Variants in ZNF268 observed in about 807,000 individuals in gnomAD.
ZNF268 encodes zinc finger protein 268.
In ZNF268, 20 loss-of-function variants were observed where a neutral mutation model predicts 29.3. The ratio of observed to expected loss-of-function variants is 0.68; its 90% CI spans 0.48 to 0.99. The LOEUF is 0.99. ZNF268 is among the 50% of genes least tolerant of loss of function. The pLI is 0.00. For missense variants in ZNF268, 1,240 were observed against 1,121.6 expected (o/e 1.11, Z -1.51); for synonymous variants, 429 against 376.9 (o/e 1.14, Z -1.60).
chr12:133,204,636 T>G lies in ZNF268; in HGVS notation c.*106T>G. 1 of 831,316 alleles carries G rather than the reference T, an allele frequency of 1.2e-6. No individual in the cohort carries two copies. Among genetic ancestry groups the G allele is most frequent in the Non-Finnish European group, 1.7e-6 (1 of 587,348 alleles). The allele number at this position is 831,316 out of a possible 1,614,324, so 51.5% of individuals were successfully genotyped here. ...ATCTTGTCATCTTCCAGAAAACTCATACTGAATAGAAACTTTATGAATGCA... is the reference window on the plus strand; with the variant it reads ...ATCTTGTCATCTTCCAGAAAACTCAGACTGAATAGAAACTTTATGAATGCA... On this transcript the variant is annotated 3_prime_UTR_variant, in exon 6 of 6. Transcript: ENST00000536435.
In ZNF268 at chr12:133,205,037, AGAAAT is replaced by A. The variant is rs1458827856; in HGVS notation, c.*510_*514del. The A allele has an allele frequency of 2.0e-5, 3 of 151,950 alleles. No individual in the cohort carries two copies. The highest frequency in any genetic ancestry group is 1.3e-4 in the Admixed American group (2 of 15,180). 9.4% of individuals were successfully genotyped at this position (151,950 alleles called of 1,614,324 possible). On this transcript the variant is annotated 3_prime_UTR_variant, in exon 6 of 6. Coordinates refer to ENST00000536435, the MANE Select transcript of ZNF268 (RefSeq NM_003415.3). ...ATGCTATAAGGGAAAGTGTAAATCTAGAAATGAGAAACCCCTAGGGAAAAAATATA... is the reference window on the plus strand; with the variant it reads ...ATGCTATAAGGGAAAGTGTAAATCTAGAGAAACCCCTAGGGAAAAAATATA...
rs1486267141 is a variant in ZNF268, at chr12:133,204,804, G to A, written c.*274G>A. The A allele has an allele frequency of 9.0e-6, 3 of 335,132 alleles. No individual in the cohort carries two copies. The highest frequency in any genetic ancestry group is 1.6e-5 in the Non-Finnish European group (3 of 185,218). 20.8% of individuals were successfully genotyped at this position (335,132 alleles called of 1,614,324 possible). A position where few individuals can be genotyped will look rare whatever the true frequency, so the allele number is the denominator to read the frequency against. ...CTTTTTTTAAAAAGTTCATACAGGT[G>A]AGGAACCATGTTAAACGTTGTAAAG... On this transcript the variant is annotated 3_prime_UTR_variant, in exon 6 of 6. Transcript: ENST00000536435.
At position 133,202,306 on chromosome 12, in the gene ZNF268, G is replaced by T. The variant is rs1355018702; in HGVS notation, c.620G>T (p.Gly207Val). Residue 207 changes from glycine to valine, a missense_variant, in exon 6 of 6, where the codon GGA becomes GTA. Gly to Val is a moderately radical substitution (Grantham distance 109). Around this residue, in one of 3 missense-constraint regions of ZNF268, gnomAD observed 1,177 missense variants for 1,039.6 expected, o/e 1.13. Coordinates refer to ENST00000536435, the MANE Select transcript of ZNF268 (RefSeq NM_003415.3). ...RQKPHKCGTH[G>V]KSLKYIDFTS... ...AAACCTCATAAATGTGGCACGCATG[G>T]AAAGAGTTTGAAATATATAGATTTC... 1 of 1,612,410 alleles carries T rather than the reference G, an allele frequency of 6.2e-7. No homozygotes were observed. Among genetic ancestry groups the T allele is most frequent in the Admixed American group, 1.7e-5 (1 of 59,746 alleles).
intron 5 of ZNF268, among the ~76,000 whole-genome samples, chr12:133,196,834 G>T (rs1028028543): frequency 6.6e-6 from 1 of 152,072 alleles, no homozygotes; most frequent in African/African-American, 2.4e-5. Flanking sequence ...TGATGTTTGG[G>T]GAGATAGAAT....
chr12:133,191,757 G>A, intron 4 of ZNF268, 142 bp downstream of exon 4: 1 of 1,432,552 alleles, frequency 7.0e-7, no homozygotes, highest in Non-Finnish European at 9.8e-7. Flanking sequence ...CCTATTGGCA[G>A]CAGAGTATGC....
chr12:133,198,590 A>G (rs1049061968), intron 5 of ZNF268, among the ~76,000 whole-genome samples: 5 of 152,110 alleles, frequency 3.3e-5, no homozygotes, highest in Admixed American at 2.6e-4. Flanking sequence ...TGGTAGCTTG[A>G]TGGGGATGGC....
At position 133,202,567 on chromosome 12, in the gene ZNF268, A is replaced by G. The variant is rs1956779978; in HGVS notation, c.881A>G (p.His294Arg). The change falls in exon 6 of 6, where the codon CAT (histidine) becomes CGT (arginine). Residue 294 changes from histidine to arginine, a missense_variant. Physicochemically the swap from His to Arg is conservative, Grantham distance 29 (BLOSUM62 0). Coordinates refer to ENST00000536435, the MANE Select transcript of ZNF268 (RefSeq NM_003415.3). ...AGCAGCAAGTCATACCTTCTAGTGC[A>G]TCAGCAAACTCATGCCGAAGAGAAA... ...AFSSKSYLLVHQQTHAEEKPY... is the reference protein window; with the variant it reads ...AFSSKSYLLVRQQTHAEEKPY... 5 of 1,610,228 alleles carry G rather than the reference A, an allele frequency of 3.1e-6. No individual in the cohort carries two copies. Among genetic ancestry groups the G allele is most frequent in the Non-Finnish European group, 3.4e-6 (4 of 1,178,074 alleles).
rs1566397453 is a variant in ZNF268 at position 133,213,996 on chromosome 12, AAAAAG to A, written c.*9467_*9471del. On this transcript the variant is annotated 3_prime_UTR_variant, in exon 6 of 6. Coordinates refer to ENST00000536435, the MANE Select transcript of ZNF268 (RefSeq NM_003415.3). The stretch of plus-strand genomic sequence containing the variant: ...AGAGCGAGACTCCGTCTCAAAAAAA[AAAAAG>A]GTGAATATAGGAGAAAAGACACTGT... The A allele has an allele frequency of 6.6e-6, 1 of 152,312 alleles. No homozygotes were observed. The highest frequency in any genetic ancestry group is 2.4e-5 in the African/African-American group (1 of 41,462). 9.4% of individuals were successfully genotyped at this position (152,312 alleles called of 1,614,324 possible).
Position 133,204,277 on chromosome 12 carries a change from A to G in ZNF268, c.2591A>G (p.Tyr864Cys). 6.4e-7 allele frequency: 1 copy of G among 1,552,148 alleles called. No individual in the cohort carries two copies. Among genetic ancestry groups the G allele is most frequent in the African/African-American group, 1.4e-5 (1 of 73,470 alleles). ...AGAATGCACACAAGAGAGAAACCAT[A>G]TGAATGCAGTGAGTGTGGAAAAGCC... The part of the protein sequence containing the change: ...HQRMHTREKP[Y>C]ECSECGKAFI... The change falls in exon 6 of 6, where the codon TAT (tyrosine) becomes TGT (cysteine). Residue 864 changes from tyrosine (Y) to cysteine (C), a missense_variant. Tyr to Cys is a radical substitution (Grantham distance 194). Transcript: ENST00000536435.
Position 133,203,454 on chromosome 12 carries a change from G to A in ZNF268, c.1768G>A (p.Gly590Arg). Reference sequence around the variant, plus strand: ...GAAGCCTTATGAATGCACCGACTGTGGAAAGGCTTTTGGTTTAAAGTCACA... The same window carrying A: ...GAAGCCTTATGAATGCACCGACTGTAGAAAGGCTTTTGGTTTAAAGTCACA... ...GEKPYECTDC[G>R]KAFGLKSQLI... Residue 590 changes from glycine to arginine, a missense_variant, in exon 6 of 6, where the codon GGA becomes AGA. This residue lies in a region of ZNF268 where 1,177 missense variants were observed against 1,039.6 expected (regional missense o/e 1.13). Transcript: ENST00000536435. 1 of 1,542,278 alleles carries A rather than the reference G, an allele frequency of 6.5e-7. No individual in the cohort carries two copies. Among genetic ancestry groups the A allele is most frequent in the Non-Finnish European group, 8.7e-7 (1 of 1,148,582 alleles).
intron 5 of ZNF268, among the ~76,000 whole-genome samples, chr12:133,200,528 T>C (rs1956728278): frequency 6.6e-6 from 1 of 152,202 alleles, no homozygotes; most frequent in Middle Eastern, 3.2e-3. Flanking sequence ...GAGAGTTCTG[T>C]AGATGTCTAT....
At chr12:133,192,137 TCAC>T in intron 5 of ZNF268, 134 bp downstream of exon 5, 1 of 680,010 alleles carries the variant, frequency 1.5e-6, no homozygotes, top group Non-Finnish European at 2.3e-6. Flanking sequence ...AGACAGAGTT[TCAC>T]TTTGTTGCCC....
At chr12:133,188,803 C>CA (rs1201467333) in intron 3 of ZNF268, among the ~76,000 whole-genome samples, 1 of 152,112 alleles carries the variant, frequency 6.6e-6, no homozygotes, top group Non-Finnish European at 1.5e-5. Context: ...AGCCTATATT[C>CA]AAATTTTTTC....
Position 133,203,258 on chromosome 12 carries a change from A to AG in ZNF268, c.1573dup (p.Glu525GlyfsTer5). The stretch of plus-strand genomic sequence containing the variant: ...TTATACATACAAGGACTCATACAGG[A>AG]GAAAAACTCCATGAATGCAACAATT... On this transcript the variant is annotated frameshift_variant, in exon 6 of 6. Coordinates refer to ENST00000536435, the MANE Select transcript of ZNF268 (RefSeq NM_003415.3). LOFTEE classifies it low-confidence loss of function (END_TRUNC). 1.1e-5 allele frequency: 17 copies of AG among 1,538,388 alleles called. No homozygotes were observed. The highest frequency in any genetic ancestry group is 1.4e-5 in the Non-Finnish European group (16 of 1,147,020).
chr12:133,204,258 C>T lies in ZNF268; in HGVS notation c.2572C>T (p.His858Tyr), dbSNP rs753830148. The T allele has an allele frequency of 1.3e-6, 2 of 1,547,654 alleles. No homozygotes were observed. Among genetic ancestry groups the T allele is most frequent in the Non-Finnish European group, 1.7e-6 (2 of 1,150,472 alleles). The part of the protein sequence containing the change: ...KLRLLVHQRM[H>Y]TREKPYECSE... ...ACGCCTTCTTGTACACCAGAGAATGCACACAAGAGAGAAACCATATGAATG... is the reference window on the plus strand; with the variant it reads ...ACGCCTTCTTGTACACCAGAGAATGTACACAAGAGAGAAACCATATGAATG... The change falls in exon 6 of 6, where the codon CAC becomes TAC. Residue 858 changes from histidine (H) to tyrosine (Y), a missense_variant. This residue lies in a region of ZNF268 where 1,177 missense variants were observed against 1,039.6 expected (regional missense o/e 1.13). Transcript: ENST00000536435.
Position 133,210,703 on chromosome 12 carries a change from G to T in ZNF268, c.*6173G>T, listed in dbSNP as rs889768530. 2.1e-5 allele frequency: 8 copies of T among 380,674 alleles called. No individual in the cohort carries two copies. The highest frequency in any genetic ancestry group is 1.7e-4 in the African/African-American group (8 of 45,920). 23.6% of individuals were successfully genotyped at this position (380,674 alleles called of 1,614,324 possible). A position where few individuals can be genotyped will look rare whatever the true frequency, so the allele number is the denominator to read the frequency against. On this transcript the variant is annotated 3_prime_UTR_variant, in exon 6 of 6. Coordinates refer to ENST00000536435, the MANE Select transcript of ZNF268 (RefSeq NM_003415.3). The stretch of plus-strand genomic sequence containing the variant: ...TGTTTGTCACTGTGGATTCCCCCCT[G>T]CCAAGGGTCCCCAGGTCAGTCCTGA...
chr12:133,210,459 A>C lies in ZNF268; in HGVS notation c.*5929A>C. 5.0e-6 allele frequency: 1 copy of C among 200,182 alleles called. No individual in the cohort carries two copies. The allele number at this position is 200,182 out of a possible 1,614,324, so 12.4% of individuals were successfully genotyped here. On this transcript the variant is annotated 3_prime_UTR_variant, in exon 6 of 6. Coordinates refer to ENST00000536435, the MANE Select transcript of ZNF268 (RefSeq NM_003415.3). Reference sequence around the variant, plus strand: ...AAGGAAGCTCAGAACCTCACTGTGGATTTGCCCCACTAGGGTCCCTAGGTC... The same window carrying C: ...AAGGAAGCTCAGAACCTCACTGTGGCTTTGCCCCACTAGGGTCCCTAGGTC...
Position 133,204,806 on chromosome 12 carries a change from G to T in ZNF268, c.*276G>T. 3.0e-6 allele frequency: 1 copy of T among 329,308 alleles called. No individual in the cohort carries two copies. The highest frequency in any genetic ancestry group is 5.5e-6 in the Non-Finnish European group (1 of 181,526). 20.4% of individuals were successfully genotyped at this position (329,308 alleles called of 1,614,324 possible). A position where few individuals can be genotyped will look rare whatever the true frequency, so the allele number is the denominator to read the frequency against. ...TTTTTTAAAAAGTTCATACAGGTGA[G>T]GAACCATGTTAAACGTTGTAAAGTC... On this transcript the variant is annotated 3_prime_UTR_variant, in exon 6 of 6. Coordinates refer to ENST00000536435, the MANE Select transcript of ZNF268 (RefSeq NM_003415.3).
In ZNF268 at chr12:133,203,110, TTCAG is replaced by T. The variant is rs765017062; in HGVS notation, c.1426_1429del (p.Gln476ValfsTer7). Reference sequence around the variant, plus strand: ...ACAGGAGTAAAGCCCTATGGGTGTATTCAGTGTGGTAAAGGATTCAGTTTGAAAT... The same window carrying T: ...ACAGGAGTAAAGCCCTATGGGTGTATTGTGGTAAAGGATTCAGTTTGAAAT... On this transcript the variant is annotated frameshift_variant, in exon 6 of 6. Coordinates refer to ENST00000536435, the MANE Select transcript of ZNF268 (RefSeq NM_003415.3). LOFTEE classifies it low-confidence loss of function (END_TRUNC). 11 of 1,537,018 alleles carry T rather than the reference TTCAG, an allele frequency of 7.2e-6. No homozygotes were observed. The African/African-American group carries it at 1.5e-4, about 21-fold the overall frequency.
Sources: gnomAD v4.1 joint callset for allele counts (sites outside exome capture counted in the v4.1 genomes callset) on GRCh38, gnomAD v4.1.1 for gene constraint, gnomAD v4.1.1 regional missense constraint, MANE v1.5 for transcripts, NCBI Gene and HGNC (gene_info 2026-07-23, HGNC 2026-07-21) for gene names.